Variants in HS3ST3A1 observed in about 807,000 individuals in gnomAD.
HS3ST3A1 encodes heparan sulfate-glucosamine 3-sulfotransferase 3A1.
HS3ST3A1 carries 19 observed loss-of-function variants against 25.7 expected under a neutral mutation model. The ratio of observed to expected loss-of-function variants is 0.74; its 90% CI spans 0.52 to 1.08. The LOEUF is 1.08. Among genes scored for constraint, HS3ST3A1 ranks in the 50% least tolerant of loss-of-function variants. The probability of loss-of-function intolerance (pLI) is 0.00; values close to 1 mark genes in which losing one functional copy is unlikely to be tolerated. For synonymous variants in HS3ST3A1, 226 were observed against 278.6 expected (o/e 0.81, Z 1.88); for missense variants, 459 against 594.3 (o/e 0.77, Z 2.37).
At chr17:13,532,566 G>C (rs1485011070) in intron 1 of HS3ST3A1, among the ~76,000 whole-genome samples, 2 of 152,182 alleles carry the variant, frequency 1.3e-5, no homozygotes, top group East Asian at 3.9e-4. Flanking sequence ...AGGGCCCGAG[G>C]GGGGCCAGAA....
intron 1 of HS3ST3A1, among the ~76,000 whole-genome samples, chr17:13,581,483 A>C (rs923898618): frequency 1.4e-4 from 20 of 144,960 alleles, no homozygotes; most frequent in African/African-American, 5.0e-4. Flanking sequence ...AAAAAAAAAA[A>C]CGTAGAAACT....
intron 1 of HS3ST3A1, among the ~76,000 whole-genome samples, chr17:13,599,842 G>C (rs927311743): frequency 6.6e-6 from 1 of 152,186 alleles, no homozygotes; most frequent in Non-Finnish European, 1.5e-5. Flanking sequence ...AAAAGTTTCT[G>C]TCAGTCAAAA....
At chr17:13,519,949 A>G (rs1906179457) in intron 1 of HS3ST3A1, among the ~76,000 whole-genome samples, 1 of 152,220 alleles carries the variant, frequency 6.6e-6, no homozygotes, top group East Asian at 1.9e-4. Flanking sequence ...AGGTAGCAGG[A>G]TGGGAAAATA....
intron 1 of HS3ST3A1, among the ~76,000 whole-genome samples, chr17:13,560,011 C>T (rs943501321): frequency 4.0e-5 from 6 of 151,274 alleles, no homozygotes; most frequent in East Asian, 1.9e-4. Flanking sequence ...GTGTATTGGC[C>T]GGGCGTGGTG....
intron 1 of HS3ST3A1, among the ~76,000 whole-genome samples, chr17:13,594,398 A>G (rs1243288076): frequency 6.6e-6 from 1 of 152,182 alleles, no homozygotes; most frequent in Non-Finnish European, 1.5e-5. Flanking sequence ...TTTCCTGTGA[A>G]GCTGTCCCGT....
chr17:13,596,923 C>T (rs541565497), intron 1 of HS3ST3A1, among the ~76,000 whole-genome samples: 38 of 152,152 alleles, frequency 2.5e-4, no homozygotes, highest in African/African-American at 5.8e-4. Context: ...ACTTGAAAAA[C>T]GGGGCCATGA....
chr17:13,494,850 C>T lies in HS3ST3A1; in HGVS notation c.*1347G>A, dbSNP rs371338014. Among the ~76,000 whole-genome samples, 8 of 152,174 alleles carry T rather than the reference C, an allele frequency of 5.3e-5. No individual in the cohort carries two copies. The East Asian group carries it at 9.7e-4, about 18-fold the overall frequency. ...ACAGACGAGAGAAGAGGAAAAGCCACCATTTTACCCACAAATGCATTTCCT... is the reference window on the plus strand; with the variant it reads ...ACAGACGAGAGAAGAGGAAAAGCCATCATTTTACCCACAAATGCATTTCCT... On this transcript the variant is annotated 3_prime_UTR_variant, in exon 2 of 2. Transcript: ENST00000284110.
At chr17:13,498,794 G>T (rs191961497) in intron 1 of HS3ST3A1, among the ~76,000 whole-genome samples, 1 of 152,202 alleles carries the variant, frequency 6.6e-6, no homozygotes, top group East Asian at 1.9e-4. Flanking sequence ...GTATCTTTGG[G>T]TCTTCACCCT....
intron 1 of HS3ST3A1, among the ~76,000 whole-genome samples, chr17:13,553,389 T>C (rs903161469): frequency 2.0e-5 from 3 of 152,094 alleles, no homozygotes; most frequent in Non-Finnish European, 4.4e-5. Context: ...TCACCAATGG[T>C]TTAAGCCAGA....
chr17:13,521,137 C>T (rs904934000), intron 1 of HS3ST3A1, among the ~76,000 whole-genome samples: 2 of 152,298 alleles, frequency 1.3e-5, no homozygotes, highest in Non-Finnish European at 2.9e-5. Context: ...GTTTGAGTCA[C>T]CATTTGCCTC....
At chr17:13,501,990 G>A (rs184558311) in intron 1 of HS3ST3A1, among the ~76,000 whole-genome samples, 3 of 152,244 alleles carry the variant, frequency 2.0e-5, no homozygotes, top group Admixed American at 6.5e-5. Flanking sequence ...GGTTTTTAAG[G>A]GGATTTCATT....
At chr17:13,591,387 C>G (rs956869384) in intron 1 of HS3ST3A1, among the ~76,000 whole-genome samples, 7 of 152,042 alleles carry the variant, frequency 4.6e-5, no homozygotes, top group African/African-American at 1.7e-4. Context: ...TCTCACATAG[C>G]AGTTTGGAGA....
At chr17:13,500,955 C>A (rs967186097) in intron 1 of HS3ST3A1, among the ~76,000 whole-genome samples, 1 of 152,212 alleles carries the variant, frequency 6.6e-6, no homozygotes, top group African/African-American at 2.4e-5. Context: ...CTGACATACA[C>A]TCCAACATAG....
At chr17:13,548,744 A>G (rs2142353633) in intron 1 of HS3ST3A1, among the ~76,000 whole-genome samples, 1 of 152,294 alleles carries the variant, frequency 6.6e-6, no homozygotes, top group Middle Eastern at 3.4e-3. Flanking sequence ...ATCACTCTGT[A>G]AAAACGCACC....
chr17:13,516,832 GC>G (rs1468820203), intron 1 of HS3ST3A1, among the ~76,000 whole-genome samples: 2 of 152,094 alleles, frequency 1.3e-5, no homozygotes, highest in African/African-American at 2.4e-5. Context: ...GATTACAGGC[GC>G]CTGCCACTAC....
chr17:13,496,250 A>G lies in HS3ST3A1; in HGVS notation c.1168T>C (p.Phe390Leu). The G allele has an allele frequency of 6.2e-7, 1 of 1,600,022 alleles. No individual in the cohort carries two copies. ...GTCATCTGGTAGAACTTGAGGTTGA[A>G]AGGCCGGTAGAACTCGCGCAGCCTG... ...VRRLREFYRP[F>L]NLKFYQMTGH... Residue 390 changes from phenylalanine to leucine, a missense_variant, in exon 2 of 2, where the codon TTC becomes CTC. By Grantham distance (22) the Phe-to-Leu change is conservative. This residue lies in a region of HS3ST3A1 where 46 missense variants were observed against 59.0 expected (regional missense o/e 0.78). Coordinates refer to ENST00000284110, the MANE Select transcript of HS3ST3A1 (RefSeq NM_006042.3).
Position 13,516,050 on chromosome 17 carries a change from C to T in HS3ST3A1, c.600-19232G>A, listed in dbSNP as rs185620641. Among the ~76,000 whole-genome samples the T allele has an allele frequency of 1.4e-3, 216 of 152,242 alleles. 2 individuals carry two copies. The highest frequency in any genetic ancestry group is 5.1e-3 in the African/African-American group (212 of 41,526). On this transcript the variant is annotated intron_variant, in intron 1 of 1. Coordinates refer to ENST00000284110, the MANE Select transcript of HS3ST3A1 (RefSeq NM_006042.3). ...CACGGGCCTGGCGTGTTGGCTCACA[C>T]CTGTAATCCCAGCAGTTTGGAAGGC...
intron 1 of HS3ST3A1, among the ~76,000 whole-genome samples, chr17:13,579,018 T>C: frequency 6.6e-6 from 1 of 152,210 alleles, no homozygotes; most frequent in Non-Finnish European, 1.5e-5. Flanking sequence ...CATAATTATA[T>C]ATTTTTAAAT....
rs561509840 is a variant in HS3ST3A1, at chr17:13,596,257, G to A, written c.599+4274C>T. On this transcript the variant is annotated intron_variant, in intron 1 of 1. Transcript: ENST00000284110. Reference sequence around the variant, plus strand: ...GTGTTTTTGGTGTTGTTTAATGCCCGGACTATGATCTCAATAGTGTCCCCA... The same window carrying A: ...GTGTTTTTGGTGTTGTTTAATGCCCAGACTATGATCTCAATAGTGTCCCCA... Among the ~76,000 whole-genome samples, 4 of 152,102 alleles carry A rather than the reference G, an allele frequency of 2.6e-5. No individual in the cohort carries two copies. In the South Asian group the frequency reaches 8.3e-4, roughly 32 times the overall value.
Sources: allele counts gnomAD v4.1 joint callset (sites outside exome capture counted in the v4.1 genomes callset), GRCh38; gene constraint gnomAD v4.1.1; regional missense constraint gnomAD v4.1.1; transcripts MANE v1.5; gene names NCBI Gene and HGNC (gene_info 2026-07-23, HGNC 2026-07-21).